Variants in SLIT2 observed in about 807,000 individuals in gnomAD.
SLIT2 encodes the protein slit guidance ligand 2, also known as slit homolog 2 protein.
Under a neutral mutation model 185.7 loss-of-function variants are expected in SLIT2, and 41 were observed. The observed-to-expected ratio is 0.22, with a 90% CI of 0.17 to 0.29. The LOEUF is 0.29. SLIT2 is among the 10% of genes least tolerant of loss of function. The pLI is 1.00. For synonymous variants in SLIT2, 693 were observed against 680.2 expected, an observed-to-expected ratio of 1.02 and a Z score of -0.29; for missense variants, 1,571 against 1,909.0, an observed-to-expected ratio of 0.82 and a Z score of 3.30.
chr4:20,364,273 A>G, intron 4 of SLIT2: 1 of 985,278 alleles, frequency 1.0e-6, no homozygotes, highest in Non-Finnish European at 1.2e-6. Context: ...TTCTGCCTGC[A>G]CATATGAAAG....
chr4:20,564,491 ATTTG>A (rs1292734167), intron 26 of SLIT2, among the ~76,000 whole-genome samples: 1 of 151,906 alleles, frequency 6.6e-6, no homozygotes, highest in Non-Finnish European at 1.5e-5. Context: ...GCTATGTGGA[ATTTG>A]TTTGACTTAC....
At chr4:20,404,800 A>G (rs1726640070) in intron 4 of SLIT2, among the ~76,000 whole-genome samples, 1 of 152,042 alleles carries the variant, frequency 6.6e-6, no homozygotes, top group Admixed American at 6.6e-5. Context: ...TATATAGGAG[A>G]AACTTAATAT....
intron 18 of SLIT2, among the ~76,000 whole-genome samples, chr4:20,535,099 G>T (rs1722153078): frequency 1.3e-5 from 2 of 152,102 alleles, no homozygotes; most frequent in Admixed American, 6.5e-5. Flanking sequence ...AGGAGTTCAA[G>T]ACCAGCCTGG....
intron 33 of SLIT2, among the ~76,000 whole-genome samples, chr4:20,601,408 A>G (rs190876559): frequency 6.6e-6 from 1 of 152,314 alleles, no homozygotes; most frequent in African/African-American, 2.4e-5. Flanking sequence ...GTAAACCATA[A>G]ACAATGATGG....
chr4:20,279,946 T>C (rs1262639960), intron 4 of SLIT2, among the ~76,000 whole-genome samples: 1 of 152,082 alleles, frequency 6.6e-6, no homozygotes, highest in African/African-American at 2.4e-5. Context: ...TTTGATGAAA[T>C]AGTTGGAAAT....
rs572928386 is a variant in SLIT2, at chr4:20,345,024, C to A, written c.395+76143C>A. Among the ~76,000 whole-genome samples the A allele has an allele frequency of 6.6e-5, 10 of 152,136 alleles. No individual in the cohort carries two copies. In the East Asian group the frequency reaches 1.9e-3, roughly 29 times the overall value. On this transcript the variant is annotated intron_variant, in intron 4 of 36. Coordinates refer to ENST00000504154, the MANE Select transcript of SLIT2 (RefSeq NM_004787.4). The stretch of plus-strand genomic sequence containing the variant: ...TTTGGGAGTGATTATATTGGTCATA[C>A]CCACCATTAATTATTGATAGTAAAA...
chr4:20,463,936 T>C (rs1714064432), intron 4 of SLIT2, among the ~76,000 whole-genome samples: 1 of 152,050 alleles, frequency 6.6e-6, no homozygotes, highest in Non-Finnish European at 1.5e-5. Flanking sequence ...ATTGCTCTTT[T>C]GATTTCCCAA....
In SLIT2 at chr4:20,528,593, G is replaced by A. The variant is rs187066481; in HGVS notation, c.1463-356G>A. Among the ~76,000 whole-genome samples, 2 of 151,930 alleles carry A rather than the reference G, an allele frequency of 1.3e-5. No individual in the cohort carries two copies. Among genetic ancestry groups the A allele is most frequent in the East Asian group, 1.9e-4 (1 of 5,168 alleles). On this transcript the variant is annotated intron_variant, in intron 15 of 36. Coordinates refer to ENST00000504154, the MANE Select transcript of SLIT2 (RefSeq NM_004787.4). This position sits in a 1 kb window ranked among gnomAD's most constrained non-coding sequence, Gnocchi z 4.2. The stretch of plus-strand genomic sequence containing the variant: ...AGATATAGGATCATGTTTATTACTG[G>A]ATATATTTTCAATTCTTGACTCCGA...
intron 4 of SLIT2, among the ~76,000 whole-genome samples, chr4:20,337,249 AG>A (rs547431489): frequency 7.7e-4 from 117 of 152,312 alleles, no homozygotes; most frequent in African/African-American, 2.6e-3. Flanking sequence ...TCATGGCGGA[AG>A]GCAAGGAGGA....
intron 5 of SLIT2, among the ~76,000 whole-genome samples, chr4:20,472,308 A>AGATATC (rs1560453043): frequency 3.5e-5 from 1 of 28,282 alleles, no homozygotes; most frequent in African/African-American, 2.4e-4. Context: ...ATATAGATCT[A>AGATATC]TATATAGATA....
intron 5 of SLIT2, among the ~76,000 whole-genome samples, chr4:20,471,911 A>G (rs1715075179): frequency 6.6e-6 from 1 of 151,518 alleles, no homozygotes; most frequent in African/African-American, 2.4e-5. Context: ...TCATTTCTTA[A>G]CTCGATTAAA....
chr4:20,368,908 A>G (rs1723349127), intron 4 of SLIT2, among the ~76,000 whole-genome samples: 1 of 152,130 alleles, frequency 6.6e-6, no homozygotes, highest in Non-Finnish European at 1.5e-5. Flanking sequence ...TCAGACATAC[A>G]AAAAATACTA....
intron 4 of SLIT2, among the ~76,000 whole-genome samples, chr4:20,372,483 T>G (rs1460360662): frequency 1.3e-5 from 2 of 152,124 alleles, no homozygotes; most frequent in African/African-American, 4.8e-5. Flanking sequence ...GATTTTATAT[T>G]ATCTATTGTT....
intron 30 of SLIT2, among the ~76,000 whole-genome samples, chr4:20,591,054 A>C (rs1417109573): frequency 6.6e-6 from 1 of 152,214 alleles, no homozygotes. Context: ...AGCAAATAGC[A>C]TTATCTGTTC....
intron 4 of SLIT2, among the ~76,000 whole-genome samples, chr4:20,330,189 A>G (rs1719944311): frequency 6.6e-6 from 1 of 151,980 alleles, no homozygotes; most frequent in Non-Finnish European, 1.5e-5. Context: ...TTTTTTCTTT[A>G]TCAACTGGTA....
At position 20,472,580 on chromosome 4, in the gene SLIT2, CTATATATA is replaced by C. The variant is rs1488420292; in HGVS notation, c.467+4758_467+4765del. 2.1e-3 allele frequency among the ~76,000 whole-genome samples: 22 copies of C among 10,386 alleles called. 7 individuals carry two copies. The highest frequency in any genetic ancestry group is 0.012 in the South Asian group (3 of 254). The allele number at this position is 10,386 out of a possible 152,430, so 6.8% of individuals were successfully genotyped here. A position where few individuals can be genotyped will look rare whatever the true frequency, so the allele number is the denominator to read the frequency against. On this transcript the variant is annotated intron_variant, in intron 5 of 36. Coordinates refer to ENST00000504154, the MANE Select transcript of SLIT2 (RefSeq NM_004787.4). The stretch of plus-strand genomic sequence containing the variant: ...GATATATATCTATATATAGATATAT[CTATATATA>C]GATATATATCTATAGATATATCTAT...
intron 4 of SLIT2, among the ~76,000 whole-genome samples, chr4:20,375,953 A>G (rs1723980043): frequency 1.3e-5 from 2 of 152,104 alleles, no homozygotes; most frequent in South Asian, 2.1e-4. Flanking sequence ...TGCATTATAG[A>G]TACCAAATTT....
chr4:20,300,130 T>G (rs1030411564), intron 4 of SLIT2, among the ~76,000 whole-genome samples: 1 of 152,092 alleles, frequency 6.6e-6, no homozygotes, highest in Non-Finnish European at 1.5e-5. Flanking sequence ...TTTAAGCAAA[T>G]CAAATTTATA....
intron 4 of SLIT2, among the ~76,000 whole-genome samples, chr4:20,368,219 C>CAAAAAAAAAAAAAAAGAAAAAAAAAAA (rs1723279346): frequency 9.3e-6 from 1 of 107,430 alleles, no homozygotes; most frequent in Non-Finnish European, 1.8e-5. Context: ...CACAAAATAG[C>CAAAAAAAAAAAAAAAGAAAAAAAAAAA]AAAAAAAAAA....
Sources: allele counts gnomAD v4.1 joint callset (sites outside exome capture counted in the v4.1 genomes callset), GRCh38; gene constraint gnomAD v4.1.1; non-coding constraint Gnocchi (gnomAD v3.1); transcripts MANE v1.5; gene names NCBI Gene and HGNC (gene_info 2026-07-23, HGNC 2026-07-21).